Variants in OR8J3 observed in about 807,000 individuals in gnomAD.
OR8J3 encodes the protein olfactory receptor family 8 subfamily J member 3.
For synonymous variants in OR8J3, 170 were observed against 142.6 expected (o/e 1.19, Z -1.37); for missense variants, 418 against 379.8 (o/e 1.10, Z -0.84).
chr11:56,137,925 TA>T lies in OR8J3; in HGVS notation c.-208del, dbSNP rs1854352032. On this transcript the variant is annotated 5_prime_UTR_variant, in exon 2 of 2. Coordinates refer to ENST00000642058, the MANE Select transcript of OR8J3 (RefSeq NM_001004064.2). ...ATCACTTGGGAGAGAGTAAAGCAAGTATGGTAAATTTAGTATGGCAAAGTAA... is the reference window on the plus strand; with the variant it reads ...ATCACTTGGGAGAGAGTAAAGCAAGTTGGTAAATTTAGTATGGCAAAGTAA... 1 of 539,586 alleles carries T rather than the reference TA, an allele frequency of 1.9e-6. No homozygotes were observed. Among genetic ancestry groups the T allele is most frequent in the Non-Finnish European group, 3.2e-6 (1 of 310,132 alleles). 33.4% of individuals were successfully genotyped at this position (539,586 alleles called of 1,614,324 possible).
rs138965272 is a variant in OR8J3, at chr11:56,135,178, T to C, written c.*1593A>G. 6.9e-4 allele frequency: 105 copies of C among 152,114 alleles called. No individual in the cohort carries two copies. Among genetic ancestry groups the C allele is most frequent in the African/African-American group, 2.4e-3 (100 of 41,558 alleles). The allele number at this position is 152,114 out of a possible 1,614,324, so 9.4% of individuals were successfully genotyped here. A position where few individuals can be genotyped will look rare whatever the true frequency, so the allele number is the denominator to read the frequency against. ...TAAAAACTGAGTTTGGTGGAACAAA[T>C]TTTGTTATTAAACATGTGGTTATAT... On this transcript the variant is annotated 3_prime_UTR_variant, in exon 2 of 2. Transcript: ENST00000642058.
chr11:56,136,675 G>T lies in OR8J3; in HGVS notation c.*96C>A. 1.7e-6 allele frequency: 1 copy of T among 600,596 alleles called. No individual in the cohort carries two copies. The highest frequency in any genetic ancestry group is 2.7e-6 in the Non-Finnish European group (1 of 369,556). The allele number at this position is 600,596 out of a possible 1,614,324, so 37.2% of individuals were successfully genotyped here. On this transcript the variant is annotated 3_prime_UTR_variant, in exon 2 of 2. Transcript: ENST00000642058. The stretch of plus-strand genomic sequence containing the variant: ...AATGATCTTTAAATCTTACCTCTTG[G>T]TAATTCTTAGGATTGCTTGTAAACT...
rs753780295 is a variant in OR8J3, at chr11:56,137,689, A to G, written c.30T>C (p.Thr10=). 6.2e-7 allele frequency: 1 copy of G among 1,602,232 alleles called. No individual in the cohort carries two copies. The highest frequency in any genetic ancestry group is 8.5e-7 in the Non-Finnish European group (1 of 1,175,670). MAPENFTRV[T]EFILTGVSSC... ...TAGAGACACCTGTGAGAATAAACTCAGTGACCCTGGTGAAATTTTCAGGAG... is the reference window on the plus strand; with the variant it reads ...TAGAGACACCTGTGAGAATAAACTCGGTGACCCTGGTGAAATTTTCAGGAG... The change falls in exon 2 of 2, where the codon ACT becomes ACC. Residue 10 remains threonine, a synonymous_variant. Transcript: ENST00000642058.
At position 56,136,682 on chromosome 11, in the gene OR8J3, T is replaced by G. The variant is rs1158305519; in HGVS notation, c.*89A>C. 3 of 669,448 alleles carry G rather than the reference T, an allele frequency of 4.5e-6. No individual in the cohort carries two copies. In the East Asian group the frequency reaches 8.6e-5, roughly 19 times the overall value. The allele number at this position is 669,448 out of a possible 1,614,324, so 41.5% of individuals were successfully genotyped here. A position where few individuals can be genotyped will look rare whatever the true frequency, so the allele number is the denominator to read the frequency against. On this transcript the variant is annotated 3_prime_UTR_variant, in exon 2 of 2. Transcript: ENST00000642058. ...TTTAAATCTTACCTCTTGGTAATTC[T>G]TAGGATTGCTTGTAAACTTACTTTT...
In OR8J3 at chr11:56,139,359, T is replaced by TAA. The variant is rs1277954546; in HGVS notation, c.-780+812_-780+813dup. On this transcript the variant is annotated intron_variant, in intron 1 of 1. Coordinates refer to ENST00000642058, the MANE Select transcript of OR8J3 (RefSeq NM_001004064.2). ...GAGAAAAAATAAAGAAGTGACTACT[T>TAA]AAAAAAAGAAAACAGAGAAATAACA... Among the ~76,000 whole-genome samples the TAA allele has an allele frequency of 1.7e-3, 253 of 150,274 alleles. 1 individual carries two copies. Among genetic ancestry groups the TAA allele is most frequent in the African/African-American group, 5.6e-3 (228 of 41,026 alleles).
At position 56,138,205 on chromosome 11, in the gene OR8J3, T is replaced by C. The variant is rs1435363886; in HGVS notation, c.-487A>G. On this transcript the variant is annotated 5_prime_UTR_variant, in exon 2 of 2. Transcript: ENST00000642058. ...CTCTTCATTTTAAGAATTATATCCT[T>C]TTATAACATGTATTAGATCTATATT... 6.5e-6 allele frequency: 1 copy of C among 154,444 alleles called. No homozygotes were observed. The highest frequency in any genetic ancestry group is 1.4e-5 in the Non-Finnish European group (1 of 69,668). The allele number at this position is 154,444 out of a possible 1,614,324, so 9.6% of individuals were successfully genotyped here. A position where few individuals can be genotyped will look rare whatever the true frequency, so the allele number is the denominator to read the frequency against.
In OR8J3 at chr11:56,136,903, C is replaced by T. The variant is rs1188544995; in HGVS notation, c.816G>A (p.Lys272=). The part of the protein sequence containing the change: ...PQTNHSLDTD[K]MASVFYTLVI... ...CCAATGTGTAAAACACAGAAGCCAT[C>T]TTATCAGTATCCAGTGAGTGGTTGG... Residue 272 remains lysine (K), a synonymous_variant, in exon 2 of 2, where the codon AAG becomes AAA. Transcript: ENST00000642058. The T allele has an allele frequency of 3.1e-6, 5 of 1,614,044 alleles. No homozygotes were observed. In the East Asian group the frequency reaches 1.1e-4, roughly 36 times the overall value.
Position 56,137,847 on chromosome 11 carries a change from A to T in OR8J3, c.-129T>A. The T allele has an allele frequency of 1.4e-6, 1 of 725,560 alleles. No individual in the cohort carries two copies. Among genetic ancestry groups the T allele is most frequent in the Non-Finnish European group, 2.2e-6 (1 of 444,740 alleles). The allele number at this position is 725,560 out of a possible 1,614,324, so 44.9% of individuals were successfully genotyped here. ...GGTGTGATCTTCTTGTCATGTATTA[A>T]TCTAATTCAGTTATTAAACTCAGTA... On this transcript the variant is annotated 5_prime_UTR_variant, in exon 2 of 2. Transcript: ENST00000642058.
At position 56,137,481 on chromosome 11, in the gene OR8J3, T is replaced by G; in HGVS notation, c.238A>C (p.Lys80Gln). ...TTTACTAAAAAGTTCATCAGCATTT[T>G]AGGGGCAATGACAGTAGAGTTGCCA... ...NLGNSTVIAP[K>Q]MLMNFLVKKK... Residue 80 changes from lysine to glutamine, a missense_variant, in exon 2 of 2, where the codon AAA becomes CAA. Physicochemically the swap from Lys to Gln is moderately conservative, Grantham distance 53. Transcript: ENST00000642058. 1 of 1,614,246 alleles carries G rather than the reference T, an allele frequency of 6.2e-7. No homozygotes were observed. The highest frequency in any genetic ancestry group is 8.5e-7 in the Non-Finnish European group (1 of 1,180,040).
intron 1 of OR8J3, among the ~76,000 whole-genome samples, chr11:56,139,171 A>G (rs1854365306): frequency 6.6e-6 from 1 of 152,176 alleles, no homozygotes; most frequent in South Asian, 2.1e-4. Flanking sequence ...TGGTCCAAAT[A>G]AGTCTTATCA....
rs1854331601 is a variant in OR8J3, at chr11:56,136,578, A to G, written c.*193T>C. On this transcript the variant is annotated 3_prime_UTR_variant, in exon 2 of 2. Coordinates refer to ENST00000642058, the MANE Select transcript of OR8J3 (RefSeq NM_001004064.2). ...TGGTTACCTGATTATTTCTGGGCAA[A>G]GTTAATAAATAATATTTTTGTTTTG... The G allele has an allele frequency of 7.8e-6, 3 of 384,074 alleles. No homozygotes were observed. Among genetic ancestry groups the G allele is most frequent in the Non-Finnish European group, 1.4e-5 (3 of 218,384 alleles). 23.8% of individuals were successfully genotyped at this position (384,074 alleles called of 1,614,324 possible).
chr11:56,140,056 C>A (rs1854373775), intron 1 of OR8J3, 117 bp downstream of exon 1: 1 of 152,140 alleles, frequency 6.6e-6, no homozygotes, highest in South Asian at 2.1e-4. Flanking sequence ...AGTTAATAGC[C>A]CTATATTGCA....
At position 56,137,034 on chromosome 11, in the gene OR8J3, G is replaced by T; in HGVS notation, c.685C>A (p.Arg229Ser). ...GCTTTTTTCCTTCCTTCTGGTGAAC[G>T]TATCCTTAGAATGGACAAAACAATA... ...FNIVLSILRI[R>S]SPEGRKKAFS... is the part of the protein sequence containing the mutation. The change falls in exon 2 of 2, where the codon CGT becomes AGT. Residue 229 changes from arginine (R) to serine (S), a missense_variant. Transcript: ENST00000642058. The T allele has an allele frequency of 6.2e-7, 1 of 1,613,644 alleles. No homozygotes were observed. The highest frequency in any genetic ancestry group is 2.2e-5 in the East Asian group (1 of 44,872).
rs201535279 is a variant in OR8J3, at chr11:56,137,355, G to A, written c.364C>T (p.Arg122Cys). The A allele has an allele frequency of 7.7e-5, 124 of 1,613,932 alleles. No individual in the cohort carries two copies. The African/African-American group carries it at 1.0e-3, about 13-fold the overall frequency. Residue 122 changes from arginine to cysteine, a missense_variant, in exon 2 of 2, where the codon CGC becomes TGC. Transcript: ENST00000642058. ...AGAGGGTTACAAATGGCCACATAGCGGTCATAGGCCATCACAGCCAGCATC... is the reference window on the plus strand; with the variant it reads ...AGAGGGTTACAAATGGCCACATAGCAGTCATAGGCCATCACAGCCAGCATC... ...VMMLAVMAYD[R>C]YVAICNPLLY...
Position 56,135,584 on chromosome 11 carries a change from T to C in OR8J3, c.*1187A>G, listed in dbSNP as rs1854322690. On this transcript the variant is annotated 3_prime_UTR_variant, in exon 2 of 2. Transcript: ENST00000642058. ...TATTCATATCATTCATAATTATTCA[T>C]ATCATAATTATTCATACCATATCAT... is the stretch of plus-strand genomic sequence containing the variant. 1 of 152,024 alleles carries C rather than the reference T, an allele frequency of 6.6e-6. No homozygotes were observed. The highest frequency in any genetic ancestry group is 1.5e-5 in the Non-Finnish European group (1 of 67,886). The allele number at this position is 152,024 out of a possible 1,614,324, so 9.4% of individuals were successfully genotyped here.
chr11:56,138,707 AAT>A lies in OR8J3; in HGVS notation c.-779-212_-779-211del, dbSNP rs1554965537. Among the ~76,000 whole-genome samples the A allele has an allele frequency of 1.2e-3, 168 of 142,442 alleles. 2 individuals carry two copies. Among genetic ancestry groups the A allele is most frequent in the African/African-American group, 3.8e-3 (147 of 38,602 alleles). 93.4% of individuals were successfully genotyped at this position (142,442 alleles called of 152,430 possible). Reference sequence around the variant, plus strand: ...AGACTCCGTCTCAAAAAAAAAAAAAAATCAGTAAGATTTTTATCATTTTTGTA... The same window carrying A: ...AGACTCCGTCTCAAAAAAAAAAAAAACAGTAAGATTTTTATCATTTTTGTA... On this transcript the variant is annotated intron_variant, in intron 1 of 1. Transcript: ENST00000642058.
chr11:56,138,693 C>CAAA (rs71055574), intron 1 of OR8J3, among the ~76,000 whole-genome samples, 196 bp from the exon 2 acceptor site: 8 of 145,466 alleles, frequency 5.5e-5, no homozygotes, highest in Admixed American at 6.8e-5. Flanking sequence ...GACTCCGTCT[C>CAAA]AAAAAAAAAA....
intron 1 of OR8J3, among the ~76,000 whole-genome samples, chr11:56,139,908 T>A (rs1854372426): frequency 6.6e-6 from 1 of 152,262 alleles, no homozygotes; most frequent in African/African-American, 2.4e-5. Flanking sequence ...CAGATAAAGT[T>A]ATCCTGCCTT....
In OR8J3 at chr11:56,137,277, T is replaced by C. The variant is rs1264309520; in HGVS notation, c.442A>G (p.Thr148Ala). 1.2e-6 allele frequency: 2 copies of C among 1,613,300 alleles called. No homozygotes were observed. Among genetic ancestry groups the C allele is most frequent in the Middle Eastern group, 1.6e-4 (1 of 6,080 alleles). The change falls in exon 2 of 2, where the codon ACA (threonine) becomes GCA (alanine). Residue 148 changes from threonine to alanine, a missense_variant. Physicochemically the swap from Thr to Ala is moderately conservative, Grantham distance 58. Coordinates refer to ENST00000642058, the MANE Select transcript of OR8J3 (RefSeq NM_001004064.2). ...RRLCLLLVSL[T>A]YLYGFSTAIV... ...GCTGTAGAAAAGCCATAGAGGTATGTGAGGGACACCAGCAGGAGGCAGAGC... is the reference window on the plus strand; with the variant it reads ...GCTGTAGAAAAGCCATAGAGGTATGCGAGGGACACCAGCAGGAGGCAGAGC...
Sources: allele counts gnomAD v4.1 joint callset (sites outside exome capture counted in the v4.1 genomes callset), GRCh38; gene constraint gnomAD v4.1.1; transcripts MANE v1.5; gene names NCBI Gene and HGNC (gene_info 2026-07-23, HGNC 2026-07-21).